The following ERN1 variants were observed in gnomAD, a reference collection of about 807,000 sequenced individuals.
ERN1 encodes serine/threonine-protein kinase/endoribonuclease IRE1.
A neutral mutation model predicts 113.1 loss-of-function variants in ERN1; 39 were observed. The ratio of observed to expected loss-of-function variants is 0.34; its 90% CI spans 0.27 to 0.45. The LOEUF (loss-of-function observed/expected upper bound fraction) is 0.45. Ranked by LOEUF, ERN1 falls within the 20% of genes least tolerant of loss-of-function variation. The pLI, the probability that ERN1 is intolerant of heterozygous loss-of-function variation, is 1.00. For synonymous variants in ERN1, 507 were observed against 515.9 expected, an observed-to-expected ratio of 0.98 and a Z score of 0.23; for missense variants, 976 against 1,274.8, an observed-to-expected ratio of 0.77 and a Z score of 3.57.
chr17:64,075,448 T>C (rs764594335), intron 4 of ERN1, among the ~76,000 whole-genome samples: 1 of 152,168 alleles, frequency 6.6e-6, no homozygotes, highest in Non-Finnish European at 1.5e-5. Flanking sequence ...TTTTCATTTT[T>C]TTGAGACAGG....
At chr17:64,124,160 T>C (rs1369454929) in intron 1 of ERN1, among the ~76,000 whole-genome samples, 1 of 152,158 alleles carries the variant, frequency 6.6e-6, no homozygotes, top group Non-Finnish European at 1.5e-5. Flanking sequence ...GGTGGGAATG[T>C]AAAATAGTGC....
intron 19 of ERN1, among the ~76,000 whole-genome samples, chr17:64,047,294 A>C (rs1912542060): frequency 6.6e-6 from 1 of 152,216 alleles, no homozygotes; most frequent in African/African-American, 2.4e-5. Flanking sequence ...CCCGGGAGGC[A>C]GAGGTTGCAG....
chr17:64,129,888 G>A (rs1435126282), intron 1 of ERN1, 88 bp downstream of exon 1: 1 of 1,216,138 alleles, frequency 8.2e-7, no homozygotes, highest in Non-Finnish European at 1.0e-6. Flanking sequence ...CTCCCAGCTC[G>A]GACTCCAGCC....
chr17:64,105,083 T>C (rs569404471), intron 1 of ERN1, among the ~76,000 whole-genome samples: 1 of 152,294 alleles, frequency 6.6e-6, no homozygotes, highest in Non-Finnish European at 1.5e-5. Flanking sequence ...GGCATGTAAA[T>C]GGATCAAGTC....
intron 2 of ERN1, among the ~76,000 whole-genome samples, chr17:64,083,941 G>C (rs547116117): frequency 6.6e-6 from 1 of 152,120 alleles, no homozygotes; most frequent in Non-Finnish European, 1.5e-5. Flanking sequence ...GTCCCCAAAA[G>C]CAGTGAATTT....
intron 6 of ERN1, among the ~76,000 whole-genome samples, chr17:64,070,667 G>A (rs554613345): frequency 6.6e-6 from 1 of 152,164 alleles, no homozygotes; most frequent in Non-Finnish European, 1.5e-5. Context: ...CTTTCAGGAC[G>A]GTTCTCTTTT....
At chr17:64,045,089 G>T (rs900027873) in intron 20 of ERN1, among the ~76,000 whole-genome samples, 162 bp from the exon 21 acceptor site, 1 of 151,978 alleles carries the variant, frequency 6.6e-6, no homozygotes, top group African/African-American at 2.4e-5. Flanking sequence ...CCCAAGGGTG[G>T]TATCCCCCTG....
intron 1 of ERN1, among the ~76,000 whole-genome samples, chr17:64,113,907 C>T (rs1287578677): frequency 6.6e-6 from 1 of 152,020 alleles, no homozygotes; most frequent in Non-Finnish European, 1.5e-5. Flanking sequence ...TGGTCTTGAA[C>T]TCCTGACCTT....
chr17:64,118,584 C>T (rs961571750), intron 1 of ERN1, among the ~76,000 whole-genome samples: 2 of 152,204 alleles, frequency 1.3e-5, no homozygotes, highest in Non-Finnish European at 2.9e-5. Context: ...ATTCTACTGA[C>T]ATTTGTCAAC....
At chr17:64,084,495 TA>T (rs1913864519) in intron 2 of ERN1, among the ~76,000 whole-genome samples, 1 of 151,056 alleles carries the variant, frequency 6.6e-6, no homozygotes, top group South Asian at 2.1e-4. Context: ...CAAAGTTACT[TA>T]AGCTCGTGGA....
Position 64,054,853 on chromosome 17 carries a change from T to G in ERN1, c.1673-25A>C. On this transcript the variant is annotated intron_variant, in intron 13 of 21. Transcript: ENST00000433197. The surrounding 1 kb of genome is among the most constrained non-coding windows in gnomAD (Gnocchi z 4.9). The stretch of plus-strand genomic sequence containing the variant: ...TCTGGGACAAAATAGGAAAAAGAGA[T>G]TGTTTCAAACAGATATCACCTAAAG... 1.3e-6 allele frequency: 2 copies of G among 1,550,762 alleles called. No homozygotes were observed. Among genetic ancestry groups the G allele is most frequent in the East Asian group, 2.3e-5 (1 of 43,766 alleles).
At position 64,042,704 on chromosome 17, in the gene ERN1, T is replaced by A. The variant is rs148856077; in HGVS notation, c.*1284A>T. On this transcript the variant is annotated 3_prime_UTR_variant, in exon 22 of 22. Transcript: ENST00000433197. ...AGAAAAAAAAATATGGTACAAACAA[T>A]TTAGAGACTATTTCTTTGATACTGT... The A allele has an allele frequency of 5.2e-4, 79 of 152,288 alleles. 1 individual carries two copies. The highest frequency in any genetic ancestry group is 1.8e-3 in the African/African-American group (74 of 41,560). 9.4% of individuals were successfully genotyped at this position (152,288 alleles called of 1,614,324 possible).
chr17:64,053,170 G>A, intron 16 of ERN1, 102 bp downstream of exon 16: 1 of 1,023,780 alleles, frequency 9.8e-7, no homozygotes. Flanking sequence ...ATAGCCAAGA[G>A]CTTGAACAGA....
chr17:64,095,855 T>A (rs191090711), intron 2 of ERN1, among the ~76,000 whole-genome samples: 2 of 152,332 alleles, frequency 1.3e-5, no homozygotes, highest in Non-Finnish European at 2.9e-5. Flanking sequence ...TCTCCAGGCC[T>A]CACTCCTGAC....
chr17:64,086,185 T>C (rs1913918621), intron 2 of ERN1, among the ~76,000 whole-genome samples: 1 of 152,190 alleles, frequency 6.6e-6, no homozygotes, highest in African/African-American at 2.4e-5. Context: ...CCATTTTAAG[T>C]TTACAGTTCA....
At chr17:64,120,603 G>T (rs975144573) in intron 1 of ERN1, among the ~76,000 whole-genome samples, 2 of 152,298 alleles carry the variant, frequency 1.3e-5, no homozygotes, top group Admixed American at 1.3e-4. Context: ...TTTTTTAACA[G>T]TGAAACATCA....
chr17:64,065,128 G>T, intron 9 of ERN1, 81 bp downstream of exon 9: 1 of 873,268 alleles, frequency 1.1e-6, no homozygotes, highest in South Asian at 1.7e-5. Flanking sequence ...CCTGCAGGAT[G>T]CTCATGCATA....
Position 64,043,697 on chromosome 17 carries a change from T to C in ERN1, c.*291A>G. 6.1e-6 allele frequency: 2 copies of C among 329,382 alleles called. No individual in the cohort carries two copies. Among genetic ancestry groups the C allele is most frequent in the Non-Finnish European group, 1.1e-5 (2 of 181,616 alleles). 20.4% of individuals were successfully genotyped at this position (329,382 alleles called of 1,614,324 possible). On this transcript the variant is annotated 3_prime_UTR_variant, in exon 22 of 22. Coordinates refer to ENST00000433197, the MANE Select transcript of ERN1 (RefSeq NM_001433.5). ...AAAAGTCTGAAGCAAGTTTATCCAG[T>C]AGATGGCTGGGGGTGCTACTCGCGC...
chr17:64,086,638 T>C (rs1352134678), intron 2 of ERN1, among the ~76,000 whole-genome samples: 1 of 8,572 alleles, frequency 1.2e-4, no homozygotes, highest in African/African-American at 7.3e-4. Context: ...TTTTCTTTCC[T>C]TTTTTTTTTT....
Sources: allele counts gnomAD v4.1 joint callset (sites outside exome capture counted in the v4.1 genomes callset), GRCh38; gene constraint gnomAD v4.1.1; non-coding constraint Gnocchi (gnomAD v3.1); transcripts MANE v1.5; gene names NCBI Gene and HGNC (gene_info 2026-07-23, HGNC 2026-07-21).